PARM1: variants seen among roughly 807,000 people sequenced by gnomAD.
PARM1 encodes the protein prostate androgen-regulated mucin-like protein 1.
PARM1 carries 14 observed loss-of-function variants against 24.6 expected under a neutral mutation model. That is an observed-to-expected ratio of 0.57 (90% confidence interval 0.38 to 0.89). PARM1 has a LOEUF of 0.89. Among genes scored for constraint, PARM1 ranks in the 40% least tolerant of loss-of-function variants. The pLI is 0.00. For synonymous variants in PARM1, 179 were observed against 156.6 expected, an observed-to-expected ratio of 1.14 and a Z score of -1.07; for missense variants, 362 against 380.4, an observed-to-expected ratio of 0.95 and a Z score of 0.40.
At chr4:75,036,773 G>T (rs1206675847) in intron 3 of PARM1, among the ~76,000 whole-genome samples, 3 of 152,142 alleles carry the variant, frequency 2.0e-5, no homozygotes, top group Non-Finnish European at 4.4e-5. Context: ...TTAAGTAAAT[G>T]ATTAAATTGA....
At chr4:75,042,731 A>C (rs1197033754) in intron 3 of PARM1, among the ~76,000 whole-genome samples, 1 of 152,126 alleles carries the variant, frequency 6.6e-6, no homozygotes, top group Non-Finnish European at 1.5e-5. Context: ...ACACGTACAA[A>C]AAATGTGTTT....
intron 1 of PARM1, among the ~76,000 whole-genome samples, chr4:74,974,111 T>C (rs1457640221): frequency 6.6e-6 from 1 of 152,174 alleles, no homozygotes; most frequent in Admixed American, 6.5e-5. Context: ...CATTATGCCA[T>C]GAGGCAGAAA....
chr4:74,981,223 G>A (rs1357361834), intron 1 of PARM1, among the ~76,000 whole-genome samples: 1 of 152,138 alleles, frequency 6.6e-6, no homozygotes, highest in Non-Finnish European at 1.5e-5. Context: ...TCTGACAAAG[G>A]TCTAATATCC....
chr4:75,000,415 G>A (rs1338235587), intron 1 of PARM1, among the ~76,000 whole-genome samples: 1 of 152,138 alleles, frequency 6.6e-6, no homozygotes, highest in East Asian at 1.9e-4. Context: ...TGGCCTGGTG[G>A]ATCAACAATA....
At chr4:75,036,048 A>C (rs1343078608) in intron 3 of PARM1, among the ~76,000 whole-genome samples, 1 of 152,210 alleles carries the variant, frequency 6.6e-6, no homozygotes, top group African/African-American at 2.4e-5. Flanking sequence ...ATTTTATAAC[A>C]AAGTATCTGT....
chr4:75,014,750 A>T lies in PARM1; in HGVS notation c.769+1600A>T, dbSNP rs140909766. 9.6e-3 allele frequency among the ~76,000 whole-genome samples: 1,456 copies of T among 152,270 alleles called. 81 individuals are homozygous for T. Among genetic ancestry groups the T allele is most frequent in the Admixed American group, 0.082 (1,252 of 15,282 alleles). ...GTGGAGAGTGGATCTGCAGAGGTGA[A>T]GGGAGGAAATCTATTGACTCCTCTG... On this transcript the variant is annotated intron_variant, in intron 2 of 3. Transcript: ENST00000307428.
chr4:74,954,506 C>A (rs551854758), intron 1 of PARM1, among the ~76,000 whole-genome samples: 1 of 152,052 alleles, frequency 6.6e-6, no homozygotes, highest in African/African-American at 2.4e-5. Context: ...TAATGCCCAA[C>A]AAAAAAACAC....
In PARM1 at chr4:75,047,546, C is replaced by T. The variant is rs1469899096; in HGVS notation, c.*1299C>T. 1 of 152,240 alleles carries T rather than the reference C, an allele frequency of 6.6e-6. No homozygotes were observed. The highest frequency in any genetic ancestry group is 1.5e-5 in the Non-Finnish European group (1 of 68,036). The allele number at this position is 152,240 out of a possible 1,614,324, so 9.4% of individuals were successfully genotyped here. On this transcript the variant is annotated 3_prime_UTR_variant, in exon 4 of 4. Transcript: ENST00000307428. ...TTGCCCCCTGACTCCACCCCAGGGA[C>T]ATTCAAAAATGTCTGGTGACAGTTT...
chr4:74,936,943 C>T (rs1721206606), intron 1 of PARM1, among the ~76,000 whole-genome samples: 1 of 152,138 alleles, frequency 6.6e-6, no homozygotes, highest in African/African-American at 2.4e-5. Flanking sequence ...CCCCTGTCTC[C>T]TCTCAGGACC....
intron 1 of PARM1, among the ~76,000 whole-genome samples, chr4:75,011,409 C>T (rs529323756): frequency 1.6e-4 from 25 of 151,962 alleles, no homozygotes; most frequent in East Asian, 1.9e-4. Context: ...TTTTTAACTG[C>T]GCAACCGGGT....
At chr4:75,011,833 T>C (rs1722876593) in intron 1 of PARM1, among the ~76,000 whole-genome samples, 1 of 152,156 alleles carries the variant, frequency 6.6e-6, no homozygotes. Flanking sequence ...AGGAAATGTG[T>C]TCACATATTT....
chr4:74,958,665 T>C lies in PARM1; in HGVS notation c.43+25295T>C, dbSNP rs571770775. Reference sequence around the variant, plus strand: ...AAATATCTGGTACTCTGAGAAATGATAGTTAATGGGATTAAGCCCTAGCAC... The same window carrying C: ...AAATATCTGGTACTCTGAGAAATGACAGTTAATGGGATTAAGCCCTAGCAC... On this transcript the variant is annotated intron_variant, in intron 1 of 3. Transcript: ENST00000307428. Among the ~76,000 whole-genome samples, 6 of 152,288 alleles carry C rather than the reference T, an allele frequency of 3.9e-5. No individual in the cohort carries two copies. In the East Asian group the frequency reaches 1.2e-3, roughly 29 times the overall value.
At chr4:75,032,463 AAAAT>A (rs1723292171) in intron 2 of PARM1, among the ~76,000 whole-genome samples, 2 of 152,320 alleles carry the variant, frequency 1.3e-5, no homozygotes, top group Admixed American at 6.5e-5. Flanking sequence ...CCAGCAGACA[AAAAT>A]AAATAAATAA....
chr4:75,012,174 G>A (rs1358333481), intron 1 of PARM1, among the ~76,000 whole-genome samples: 4 of 152,168 alleles, frequency 2.6e-5, no homozygotes, highest in African/African-American at 4.8e-5. Flanking sequence ...ACCATGCATT[G>A]GCTAGTCTTG....
At chr4:74,942,429 GT>G (rs1190221529) in intron 1 of PARM1, among the ~76,000 whole-genome samples, 1 of 152,254 alleles carries the variant, frequency 6.6e-6, no homozygotes, top group Non-Finnish European at 1.5e-5. Flanking sequence ...AGGGAAGTCA[GT>G]AGTTGAATAT....
chr4:75,035,008 A>G (rs1356800050), intron 3 of PARM1, among the ~76,000 whole-genome samples: 1 of 151,948 alleles, frequency 6.6e-6, no homozygotes, highest in East Asian at 1.9e-4. Context: ...AGCTCCCTCC[A>G]ATTCTTAGGA....
rs192124465 is a variant in PARM1 at position 74,980,392 on chromosome 4, C to T, written c.44-32033C>T. On this transcript the variant is annotated intron_variant, in intron 1 of 3. Transcript: ENST00000307428. ...TTGCTTCAAAGAGAATAAAATACCT[C>T]GGAATACAGTTAATAAGGGAAGTGA... is the stretch of plus-strand genomic sequence containing the variant. Among the ~76,000 whole-genome samples, 122 of 152,066 alleles carry T rather than the reference C, an allele frequency of 8.0e-4. 2 individuals are homozygous for T. The Middle Eastern group carries it at 0.024, about 30-fold the overall frequency.
intron 1 of PARM1, among the ~76,000 whole-genome samples, chr4:75,009,409 A>T (rs1329495872): frequency 1.3e-5 from 2 of 152,216 alleles, no homozygotes; most frequent in Admixed American, 6.5e-5. Context: ...ACTGGCATCT[A>T]GGCCATGTTC....
intron 1 of PARM1, among the ~76,000 whole-genome samples, chr4:74,966,179 C>T (rs17000047): frequency 0.041 from 6,207 of 152,206 alleles, 407 homozygotes; most frequent in African/African-American, 0.14. Flanking sequence ...CAGTGGTTGT[C>T]GCCAAAGTGC....
Sources: allele counts gnomAD v4.1 joint callset (sites outside exome capture counted in the v4.1 genomes callset), GRCh38; gene constraint gnomAD v4.1.1; transcripts MANE v1.5; gene names NCBI Gene and HGNC (gene_info 2026-07-23, HGNC 2026-07-21).